SLC15A1: variants seen among roughly 807,000 people sequenced by gnomAD.
The protein encoded by SLC15A1 is solute carrier family 15 member 1.
A neutral mutation model predicts 92.9 loss-of-function variants in SLC15A1; 83 were observed. The ratio of observed to expected loss-of-function variants is 0.89; its 90% confidence interval spans 0.75 to 1.07. SLC15A1 has a LOEUF of 1.07. Ranked by LOEUF, SLC15A1 falls within the 50% of genes least tolerant of loss-of-function variation. SLC15A1 has a pLI of 0.00. For synonymous variants in SLC15A1, 322 were observed against 318.2 expected (o/e 1.01, Z -0.13); for missense variants, 857 against 880.1 (o/e 0.97, Z 0.33).
At chr13:98,710,382 C>A (rs999391882) in intron 11 of SLC15A1, among the ~76,000 whole-genome samples, 21 of 152,168 alleles carry the variant, frequency 1.4e-4, no homozygotes, top group Non-Finnish European at 1.9e-4. Context: ...TATACCTGGG[C>A]AGCCCCTTTA....
intron 18 of SLC15A1, among the ~76,000 whole-genome samples, chr13:98,690,267 G>A (rs1041244582): frequency 9.9e-5 from 15 of 152,174 alleles, no homozygotes; most frequent in African/African-American, 3.6e-4. Flanking sequence ...TTAGGTGCTG[G>A]GAGAAAATGG....
intron 8 of SLC15A1, 112 bp from the exon 9 acceptor site, chr13:98,716,072 C>G: frequency 1.1e-6 from 1 of 886,954 alleles, no homozygotes; most frequent in South Asian, 1.4e-5. Context: ...AATGGGATTA[C>G]TTATGGAATG....
chr13:98,704,159 A>C (rs533674710), intron 17 of SLC15A1, 130 bp downstream of exon 17: 3 of 819,606 alleles, frequency 3.7e-6, no homozygotes, highest in African/African-American at 3.5e-5. Flanking sequence ...CTTGTGTTCC[A>C]GAAGAAGGAA....
Position 98,684,586 on chromosome 13 carries a change from AG to A in SLC15A1, c.*137del. The A allele has an allele frequency of 1.9e-6, 1 of 526,744 alleles. No homozygotes were observed. Among genetic ancestry groups the A allele is most frequent in the Non-Finnish European group, 3.3e-6 (1 of 305,770 alleles). 32.6% of individuals were successfully genotyped at this position (526,744 alleles called of 1,614,324 possible). ...AAAAAAAAGAAAAGAAAAAGAAAAA[AG>A]AAAATAGCATTCATGGTTTAGTTCC... On this transcript the variant is annotated 3_prime_UTR_variant, in exon 23 of 23. Transcript: ENST00000376503.
chr13:98,686,335 T>G, intron 21 of SLC15A1, 38 bp from the exon 22 acceptor site: 4 of 1,426,808 alleles, frequency 2.8e-6, no homozygotes, highest in Non-Finnish European at 3.9e-6. Context: ...GCTCCAGGTC[T>G]CACCCTCCGA....
chr13:98,752,161 C>G (rs1045402778), intron 1 of SLC15A1, among the ~76,000 whole-genome samples: 2 of 152,226 alleles, frequency 1.3e-5, no homozygotes, highest in African/African-American at 4.8e-5. Flanking sequence ...GCCAGGGTTC[C>G]CTGCGGAACT....
At chr13:98,726,921 T>C (rs1362135678) in intron 1 of SLC15A1, 62 bp from the exon 2 acceptor site, 1 of 1,548,536 alleles carries the variant, frequency 6.5e-7, no homozygotes, top group Non-Finnish European at 8.9e-7. Context: ...TTGCTGTGTC[T>C]AAACTCAGAG....
Position 98,708,777 on chromosome 13 carries a change from C to T in SLC15A1, c.1068-10G>A. The T allele has an allele frequency of 6.2e-7, 1 of 1,605,564 alleles. No homozygotes were observed. Among genetic ancestry groups the T allele is most frequent in the South Asian group, 1.1e-5 (1 of 89,568 alleles). On this transcript the variant is annotated splice_polypyrimidine_tract_variant and intron_variant, in intron 14 of 22. Coordinates refer to ENST00000376503, the MANE Select transcript of SLC15A1 (RefSeq NM_005073.4). ...CATCTTCTTCAAGGAGCTGATGGCA[C>T]AAGAGAAGAGTGACTCTCAACCAGT...
At chr13:98,706,281 T>G (rs772254162) in intron 15 of SLC15A1, 28 bp from the exon 16 acceptor site, 73 of 1,608,134 alleles carry the variant, frequency 4.5e-5, no homozygotes, top group Non-Finnish European at 6.0e-5. Flanking sequence ...AAATTGGCAG[T>G]GAGGTCTTCA....
Position 98,688,584 on chromosome 13 carries a change from C to T in SLC15A1, c.1467-7G>A. 1 of 1,600,106 alleles carries T rather than the reference C, an allele frequency of 6.2e-7. No individual in the cohort carries two copies. Among genetic ancestry groups the T allele is most frequent in the Non-Finnish European group, 8.6e-7 (1 of 1,167,708 alleles). On this transcript the variant is annotated splice_region_variant and splice_polypyrimidine_tract_variant and intron_variant, in intron 18 of 22. Coordinates refer to ENST00000376503, the MANE Select transcript of SLC15A1 (RefSeq NM_005073.4). ...GTTAAAAGTATTTACAAATCTGAAA[C>T]AGAAAACCATCTGTCTTGTAACTGA...
At chr13:98,743,771 C>G (rs1418505607) in intron 1 of SLC15A1, among the ~76,000 whole-genome samples, 2 of 152,148 alleles carry the variant, frequency 1.3e-5, no homozygotes, top group East Asian at 1.9e-4. Context: ...TCCTTCAGAA[C>G]TAAGAGTGAG....
chr13:98,711,799 G>T, intron 11 of SLC15A1, 55 bp downstream of exon 11: 2 of 1,309,902 alleles, frequency 1.5e-6, no homozygotes, highest in Non-Finnish European at 2.2e-6. Flanking sequence ...GTACCTGGCA[G>T]TGCGGGATGT....
In SLC15A1 at chr13:98,687,651, G is replaced by C. The variant is rs56120058; in HGVS notation, c.1757C>G (p.Pro586Arg). 1 of 1,614,100 alleles carries C rather than the reference G, an allele frequency of 6.2e-7. No homozygotes were observed. The highest frequency in any genetic ancestry group is 8.5e-7 in the Non-Finnish European group (1 of 1,179,994). Reference protein sequence around the residue: ...ANTVNMALQIPQYFLLTCGEV... With the variant: ...ANTVNMALQIRQYFLLTCGEV... ...GCCACAGGTGAGAAGAAAATACTGC[G>C]GGATTTGCAGAGCCATGTTAACTGT... Residue 586 changes from proline to arginine, a missense_variant, in exon 21 of 23, where the codon CCG becomes CGG. By Grantham distance (103) the Pro-to-Arg change is moderately radical (BLOSUM62 -2). Transcript: ENST00000376503.
intron 1 of SLC15A1, among the ~76,000 whole-genome samples, chr13:98,731,159 T>C (rs1403080646): frequency 1.3e-5 from 2 of 152,138 alleles, no homozygotes; most frequent in African/African-American, 4.8e-5. Context: ...CACTACCATT[T>C]GTTGTGCCCG....
At chr13:98,735,165 G>T (rs577747956) in intron 1 of SLC15A1, among the ~76,000 whole-genome samples, 2 of 152,294 alleles carry the variant, frequency 1.3e-5, no homozygotes, top group African/African-American at 4.8e-5. Context: ...TCATCCATGG[G>T]TTGCAAGGCT....
intron 17 of SLC15A1, among the ~76,000 whole-genome samples, chr13:98,702,789 C>G (rs2088078815): frequency 6.6e-6 from 1 of 151,586 alleles, no homozygotes; most frequent in Non-Finnish European, 1.5e-5. Context: ...GACCTTGTCT[C>G]TCTTAGAAAT....
intron 21 of SLC15A1, among the ~76,000 whole-genome samples, chr13:98,686,572 C>T (rs979960515): frequency 1.3e-5 from 2 of 152,190 alleles, no homozygotes; most frequent in African/African-American, 4.8e-5. Flanking sequence ...GATCCTATTT[C>T]TACAGGAGAG....
chr13:98,720,404 C>G (rs2088247616), intron 7 of SLC15A1: 1 of 152,146 alleles, frequency 6.6e-6, no homozygotes, highest in Admixed American at 6.6e-5. Flanking sequence ...GAACAGGACA[C>G]ACGAATAAAA....
chr13:98,726,623 A>G (rs1352578161), intron 2 of SLC15A1, 174 bp from the exon 3 acceptor site: 1 of 753,396 alleles, frequency 1.3e-6, no homozygotes, highest in East Asian at 2.7e-5. Context: ...ATCCTTCCAC[A>G]TAGAGACAGC....
Sources: allele counts gnomAD v4.1 joint callset (sites outside exome capture counted in the v4.1 genomes callset), GRCh38; gene constraint gnomAD v4.1.1; transcripts MANE v1.5; gene names NCBI Gene and HGNC (gene_info 2026-07-23, HGNC 2026-07-21).